SMC5: variants seen among roughly 807,000 people sequenced by gnomAD.
SMC5 encodes the protein structural maintenance of chromosomes 5.
Under a neutral mutation model 148.3 loss-of-function variants are expected in SMC5, and 88 were observed. That is an observed-to-expected ratio of 0.59 (90% CI 0.50 to 0.71). The LOEUF (loss-of-function observed/expected upper bound fraction) is 0.71. SMC5 is among the 30% of genes least tolerant of loss of function. The pLI, the probability that SMC5 is intolerant of heterozygous loss-of-function variation, is 0.00. For synonymous variants in SMC5, 421 were observed against 432.8 expected, an observed-to-expected ratio of 0.97 and a Z score of 0.34; for missense variants, 1,142 against 1,298.9, an observed-to-expected ratio of 0.88 and a Z score of 1.86.
chr9:70,335,063 A>C (rs1280026847), intron 17 of SMC5, among the ~76,000 whole-genome samples: 1 of 152,250 alleles, frequency 6.6e-6, no homozygotes, highest in East Asian at 1.9e-4. Context: ...GTGGGAATTT[A>C]AAATGTATAT....
chr9:70,335,846 A>T (rs2036341735), intron 17 of SMC5, among the ~76,000 whole-genome samples: 1 of 152,210 alleles, frequency 6.6e-6, no homozygotes. Flanking sequence ...CCAAAAAAAA[A>T]TTAAGTTAGA....
intron 17 of SMC5, among the ~76,000 whole-genome samples, chr9:70,329,307 A>G (rs1307838757): frequency 6.6e-6 from 1 of 152,142 alleles, no homozygotes; most frequent in Non-Finnish European, 1.5e-5. Flanking sequence ...CTTTCCTTTT[A>G]AAGTTCTAGT....
At chr9:70,296,643 T>G (rs1316232147) in intron 8 of SMC5, among the ~76,000 whole-genome samples, 1 of 152,174 alleles carries the variant, frequency 6.6e-6, no homozygotes, top group East Asian at 1.9e-4. Context: ...ATGAATGCAT[T>G]ATAACTTTTA....
chr9:70,302,040 C>A (rs1009858112), intron 10 of SMC5, among the ~76,000 whole-genome samples: 2 of 152,240 alleles, frequency 1.3e-5, no homozygotes, highest in East Asian at 3.9e-4. Flanking sequence ...AGGGAACATC[C>A]CAAGAAACTG....
chr9:70,270,117 A>G (rs1259777071), intron 3 of SMC5, among the ~76,000 whole-genome samples: 1 of 152,110 alleles, frequency 6.6e-6, no homozygotes, highest in Non-Finnish European at 1.5e-5. Context: ...TTTATATGCC[A>G]TTTGTAAGTC....
rs548596299 is a variant in SMC5 at position 70,334,371 on chromosome 9, A to G, written c.2398-9773A>G. 2.0e-5 allele frequency among the ~76,000 whole-genome samples: 3 copies of G among 152,348 alleles called. No individual in the cohort carries two copies. In the East Asian group the frequency reaches 5.8e-4, roughly 29 times the overall value. On this transcript the variant is annotated intron_variant, in intron 17 of 24. Transcript: ENST00000361138. ...TTTTGGCAAGGATTTCTTAGATAAA[A>G]TAGAAAAAACACAAATTATAAGAGA...
intron 17 of SMC5, among the ~76,000 whole-genome samples, chr9:70,330,244 G>T (rs546662764): frequency 1.3e-5 from 2 of 152,250 alleles, no homozygotes; most frequent in Admixed American, 6.5e-5. Context: ...TTTTTAGAAT[G>T]TTTAGCAGTA....
At chr9:70,348,063 A>G in intron 22 of SMC5, 25 bp downstream of exon 22, 1 of 1,518,046 alleles carries the variant, frequency 6.6e-7, no homozygotes, top group Non-Finnish European at 8.8e-7. Flanking sequence ...GAAATAAATA[A>G]TATTTCTGGC....
chr9:70,259,620 TAAG>T (rs1369796398), intron 1 of SMC5, among the ~76,000 whole-genome samples: 1 of 152,160 alleles, frequency 6.6e-6, no homozygotes, highest in Non-Finnish European at 1.5e-5. Flanking sequence ...CCCGGGAACT[TAAG>T]AGGAGGCAAC....
At chr9:70,327,303 C>T (rs2036105772) in intron 17 of SMC5, among the ~76,000 whole-genome samples, 1 of 152,098 alleles carries the variant, frequency 6.6e-6, no homozygotes, top group African/African-American at 2.4e-5. Context: ...GACCCAGGAG[C>T]CTACATGAAG....
At chr9:70,318,739 T>G in intron 14 of SMC5, 52 bp downstream of exon 14, 2 of 1,557,150 alleles carry the variant, frequency 1.3e-6, no homozygotes, top group Non-Finnish European at 1.7e-6. Context: ...GGATTTCTAA[T>G]AGTTTCACTG....
chr9:70,322,452 C>T (rs1201370416), intron 15 of SMC5, among the ~76,000 whole-genome samples: 1 of 152,214 alleles, frequency 6.6e-6, no homozygotes, highest in African/African-American at 2.4e-5. Context: ...AGTTAGTGGT[C>T]TCTGCCTGAC....
intron 22 of SMC5, among the ~76,000 whole-genome samples, chr9:70,349,287 A>C (rs2036747778): frequency 6.6e-6 from 1 of 152,166 alleles, no homozygotes; most frequent in African/African-American, 2.4e-5. Flanking sequence ...GGCTGGTCTC[A>C]AACTCCTGAC....
At chr9:70,321,390 A>G (rs2035940999) in intron 15 of SMC5, among the ~76,000 whole-genome samples, 1 of 144,816 alleles carries the variant, frequency 6.9e-6, no homozygotes, top group African/African-American at 2.5e-5. Context: ...ATATTGTCAA[A>G]TGTCTTTTTT....
At chr9:70,292,045 G>A (rs1238651248) in intron 8 of SMC5, among the ~76,000 whole-genome samples, 1 of 152,086 alleles carries the variant, frequency 6.6e-6, no homozygotes, top group Non-Finnish European at 1.5e-5. Context: ...CATTTTTCTT[G>A]AATAACAGCT....
chr9:70,314,555 T>C (rs1297945542), intron 11 of SMC5, among the ~76,000 whole-genome samples, 187 bp from the exon 12 acceptor site: 1 of 151,618 alleles, frequency 6.6e-6, no homozygotes, highest in East Asian at 1.9e-4. Context: ...AGAAGTGGAC[T>C]CTTTTTATAA....
chr9:70,346,042 G>A (rs1468965343), intron 18 of SMC5, among the ~76,000 whole-genome samples: 1 of 152,132 alleles, frequency 6.6e-6, no homozygotes, highest in African/African-American at 2.4e-5. Flanking sequence ...AACAAATTAC[G>A]ATGCCATTTA....
At chr9:70,296,344 T>C (rs1470087786) in intron 8 of SMC5, among the ~76,000 whole-genome samples, 1 of 152,104 alleles carries the variant, frequency 6.6e-6, no homozygotes, top group Non-Finnish European at 1.5e-5. Context: ...GGCAGATCAC[T>C]TGAGGCCAGG....
At chr9:70,330,871 T>A (rs1487756098) in intron 17 of SMC5, among the ~76,000 whole-genome samples, 1 of 152,112 alleles carries the variant, frequency 6.6e-6, no homozygotes, top group Non-Finnish European at 1.5e-5. Context: ...AGCCAGATTT[T>A]AAAAAGCAAA....
Sources: gnomAD v4.1 joint callset for allele counts (sites outside exome capture counted in the v4.1 genomes callset) on GRCh38, gnomAD v4.1.1 for gene constraint, MANE v1.5 for transcripts, NCBI Gene and HGNC (gene_info 2026-07-23, HGNC 2026-07-21) for gene names.